HDAC9: variants seen among roughly 807,000 people sequenced by gnomAD.
HDAC9 encodes histone deacetylase 9.
Under a neutral mutation model 139.4 loss-of-function variants are expected in HDAC9, and 41 were observed. The ratio of observed to expected loss-of-function variants is 0.29; its 90% confidence interval spans 0.23 to 0.38. HDAC9 has a LOEUF of 0.38. Ranked by LOEUF, HDAC9 falls within the 10% of genes least tolerant of loss-of-function variation. The probability of loss-of-function intolerance (pLI) is 1.00; values close to 1 mark genes in which losing one functional copy is unlikely to be tolerated. For synonymous variants in HDAC9, 517 were observed against 476.2 expected (o/e 1.09, Z -1.12); for missense variants, 1,147 against 1,297.0 (o/e 0.88, Z 1.78).
intron 22 of HDAC9, among the ~76,000 whole-genome samples, chr7:18,927,894 C>A (rs1804374557): frequency 6.6e-6 from 1 of 152,034 alleles, no homozygotes; most frequent in African/African-American, 2.4e-5. Context: ...CTTTTTTTAA[C>A]TAGAGGCTTT....
chr7:18,223,007 T>G (rs1416894532), intron 2 of HDAC9, among the ~76,000 whole-genome samples: 1 of 152,178 alleles, frequency 6.6e-6, no homozygotes, highest in Admixed American at 6.5e-5. Context: ...GAAAGTCCTT[T>G]TTGACTAACT....
At chr7:18,176,979 A>G (rs553861540) in intron 2 of HDAC9, among the ~76,000 whole-genome samples, 62 of 152,360 alleles carry the variant, frequency 4.1e-4, no homozygotes, top group African/African-American at 1.4e-3. Flanking sequence ...AATACATACC[A>G]TAACTTGAGT....
chr7:18,208,116 T>C (rs1219905683), intron 2 of HDAC9, among the ~76,000 whole-genome samples: 6 of 152,212 alleles, frequency 3.9e-5, no homozygotes, highest in African/African-American at 1.4e-4. Context: ...TACGTATGCT[T>C]AGTAGTACTT....
chr7:18,805,142 C>T (rs1487656662), intron 17 of HDAC9, among the ~76,000 whole-genome samples: 4 of 152,168 alleles, frequency 2.6e-5, no homozygotes, highest in Admixed American at 2.0e-4. Flanking sequence ...GACTATCCTG[C>T]TCAGTCCCCT....
chr7:18,917,354 T>G (rs1279715722), intron 22 of HDAC9, among the ~76,000 whole-genome samples: 1 of 151,958 alleles, frequency 6.6e-6, no homozygotes, highest in African/African-American at 2.4e-5. Flanking sequence ...AATACTACTG[T>G]GTTTATTTAT....
At chr7:18,591,665 T>C in intron 5 of HDAC9, 23 bp downstream of exon 5, 2 of 1,610,784 alleles carry the variant, frequency 1.2e-6, no homozygotes, top group Non-Finnish European at 8.5e-7. Flanking sequence ...TTTGGCTGTT[T>C]TCATTCCTGG....
rs146745597 is a variant in HDAC9, at chr7:18,934,895, T to A, written c.2804-914T>A. ...CGACAAAAAAACTGGAATTTGGTGA[T>A]AACAAGAAAACCAACTCTCTGCCAA... On this transcript the variant is annotated intron_variant, in intron 22 of 25. Coordinates refer to ENST00000686413, the MANE Select transcript of HDAC9 (RefSeq NM_178425.4). 1.8e-3 allele frequency among the ~76,000 whole-genome samples: 273 copies of A among 152,246 alleles called. 2 individuals are homozygous for A. The highest frequency in any genetic ancestry group is 2.7e-3 in the Admixed American group (41 of 15,284).
At chr7:18,307,540 C>T (rs1427878960) in intron 1 of HDAC9, among the ~76,000 whole-genome samples, 1 of 152,160 alleles carries the variant, frequency 6.6e-6, no homozygotes, top group Non-Finnish European at 1.5e-5. Context: ...CCATGGCTCA[C>T]GCTTGCATTC....
chr7:18,813,588 A>C (rs774646212), intron 17 of HDAC9, among the ~76,000 whole-genome samples: 3 of 152,150 alleles, frequency 2.0e-5, no homozygotes, highest in Non-Finnish European at 4.4e-5. Context: ...TATGTTACTA[A>C]ATACTTTCTG....
At chr7:18,321,041 C>T (rs947826971) in intron 1 of HDAC9, among the ~76,000 whole-genome samples, 2 of 152,072 alleles carry the variant, frequency 1.3e-5, no homozygotes, top group African/African-American at 4.8e-5. Context: ...TTGTAGGCTA[C>T]GTATTTTCAT....
intron 22 of HDAC9, among the ~76,000 whole-genome samples, chr7:18,932,787 G>A (rs148105967): frequency 6.9e-6 from 1 of 144,388 alleles, no homozygotes; most frequent in East Asian, 2.0e-4. Flanking sequence ...GAACGTAAGA[G>A]AGAAAGAGAA....
At chr7:18,977,919 G>GACAGACACACACACAC (rs1422767293) in intron 25 of HDAC9, among the ~76,000 whole-genome samples, 22 of 140,926 alleles carry the variant, frequency 1.6e-4, no homozygotes, top group African/African-American at 4.6e-4. Context: ...CAGACAGACA[G>GACAGACACACACACAC]ACACACACAC....
chr7:18,761,543 T>C (rs1186549522), intron 14 of HDAC9, among the ~76,000 whole-genome samples: 1 of 152,144 alleles, frequency 6.6e-6, no homozygotes, highest in South Asian at 2.1e-4. Context: ...CAAATTGCCA[T>C]AAAAGTTTCT....
At chr7:18,546,317 C>T (rs1322435047) in intron 2 of HDAC9, among the ~76,000 whole-genome samples, 2 of 152,054 alleles carry the variant, frequency 1.3e-5, no homozygotes, top group Non-Finnish European at 2.9e-5. Context: ...GATATATAGT[C>T]CCATGCATCT....
chr7:18,416,327 G>T (rs1005193287), intron 1 of HDAC9, among the ~76,000 whole-genome samples: 4 of 151,808 alleles, frequency 2.6e-5, no homozygotes, highest in African/African-American at 4.8e-5. Context: ...AACAAAAAAA[G>T]AATTTTACAT....
chr7:18,115,970 G>A (rs917276432), intron 1 of HDAC9, among the ~76,000 whole-genome samples: 88 of 152,224 alleles, frequency 5.8e-4, no homozygotes, highest in African/African-American at 1.9e-3. Context: ...TTAGTTACAC[G>A]TTGAATTGTA....
intron 22 of HDAC9, among the ~76,000 whole-genome samples, chr7:18,884,705 T>A (rs922379717): frequency 3.9e-5 from 6 of 152,216 alleles, no homozygotes; most frequent in Non-Finnish European, 8.8e-5. Context: ...TACCTTAGGC[T>A]GATGTTTTTA....
chr7:18,714,307 G>A (rs1398381844), intron 12 of HDAC9, among the ~76,000 whole-genome samples: 1 of 152,142 alleles, frequency 6.6e-6, no homozygotes, highest in East Asian at 1.9e-4. Context: ...CATTTCTAAT[G>A]CAAATTTGTT....
intron 2 of HDAC9, among the ~76,000 whole-genome samples, chr7:18,512,626 A>C (rs1428131954): frequency 1.3e-5 from 2 of 152,226 alleles, no homozygotes; most frequent in Non-Finnish European, 2.9e-5. Flanking sequence ...AGTCAGATAC[A>C]CTAAGTGATG....
Sources: allele counts gnomAD v4.1 joint callset (sites outside exome capture counted in the v4.1 genomes callset), GRCh38; gene constraint gnomAD v4.1.1; transcripts MANE v1.5; gene names NCBI Gene and HGNC (gene_info 2026-07-23, HGNC 2026-07-21).